SHTN1: variants seen among roughly 807,000 people sequenced by gnomAD.
The protein encoded by SHTN1 is shootin-1.
Under a neutral mutation model 83.1 loss-of-function variants are expected in SHTN1, and 42 were observed. That is an observed-to-expected ratio of 0.51 (90% CI 0.39 to 0.65). The LOEUF is 0.65. Ranked by LOEUF, SHTN1 falls within the 30% of genes least tolerant of loss-of-function variation. SHTN1 has a pLI of 0.00. For missense variants in SHTN1, 622 were observed against 737.8 expected (o/e 0.84, Z 1.82); for synonymous variants, 224 against 247.7 (o/e 0.90, Z 0.90).
chr10:117,045,161 G>A (rs961379251), intron 2 of SHTN1, among the ~76,000 whole-genome samples: 2 of 152,108 alleles, frequency 1.3e-5, no homozygotes, highest in African/African-American at 4.8e-5. Flanking sequence ...AGAATAATCT[G>A]GAATGGTATC....
At position 116,929,310 on chromosome 10, in the gene SHTN1, G is replaced by A. The variant is rs79184705; in HGVS notation, c.1012+539C>T. On this transcript the variant is annotated intron_variant, in intron 10 of 16. Coordinates refer to ENST00000355371, the MANE Select transcript of SHTN1 (RefSeq NM_001127211.3). Reference sequence around the variant, plus strand: ...CTAGAACTGAATGAATAAATCTTTTGATTTAAGTATCCCCTGGTGTTTCTA... The same window carrying A: ...CTAGAACTGAATGAATAAATCTTTTAATTTAAGTATCCCCTGGTGTTTCTA... Among the ~76,000 whole-genome samples the A allele has an allele frequency of 8.0e-3, 1,213 of 152,148 alleles. 24 individuals carry two copies. The highest frequency in any genetic ancestry group is 0.026 in the African/African-American group (1,094 of 41,498).
At chr10:117,073,363 TATTTC>T (rs1853111152) in intron 1 of SHTN1, among the ~76,000 whole-genome samples, 1 of 152,338 alleles carries the variant, frequency 6.6e-6, no homozygotes, top group African/African-American at 2.4e-5. Context: ...TTATGTGCAT[TATTTC>T]ATTTAATTCT....
rs1473023911 is a variant in SHTN1, at chr10:116,911,353, G to C, written c.1359+437C>G. On this transcript the variant is annotated intron_variant, in intron 14 of 16. Transcript: ENST00000355371. ...ATAATTGTTTCGACTGTGAGGAAAG[G>C]CAGACTGTGACCCTGATATGAAGCT... 4.8e-6 allele frequency: 5 copies of C among 1,040,360 alleles called. No homozygotes were observed. The East Asian group carries it at 1.4e-4, about 28-fold the overall frequency. 64.4% of individuals were successfully genotyped at this position (1,040,360 alleles called of 1,614,324 possible).
intron 2 of SHTN1, among the ~76,000 whole-genome samples, chr10:117,036,236 A>G (rs1852495059): frequency 6.6e-6 from 1 of 152,154 alleles, no homozygotes; most frequent in South Asian, 2.1e-4. Context: ...AGTTTCCTCA[A>G]AAAACTAAAA....
chr10:117,089,219 A>T (rs1853393253), intron 1 of SHTN1, among the ~76,000 whole-genome samples: 1 of 152,204 alleles, frequency 6.6e-6, no homozygotes, highest in Admixed American at 6.5e-5. Flanking sequence ...AAATGTTCTA[A>T]TCTTGATTGT....
chr10:117,008,160 A>T (rs894306804), upstream of SHTN1, among the ~76,000 whole-genome samples: 6 of 152,132 alleles, frequency 3.9e-5, no homozygotes, highest in Non-Finnish European at 8.8e-5. Flanking sequence ...ACAGACTTTT[A>T]AAAAATGAAT....
At chr10:116,947,011 G>A (rs957794399) in intron 7 of SHTN1, among the ~76,000 whole-genome samples, 10 of 151,928 alleles carry the variant, frequency 6.6e-5, no homozygotes, top group Non-Finnish European at 1.0e-4. Flanking sequence ...GTGAGCCACC[G>A]CGCCTGGACA....
intron 12 of SHTN1, among the ~76,000 whole-genome samples, chr10:116,920,965 T>C (rs530355677): frequency 6.6e-6 from 1 of 152,334 alleles, no homozygotes; most frequent in South Asian, 2.1e-4. Context: ...CACTGTGTAC[T>C]CCTCTTTAAT....
intron 1 of SHTN1, among the ~76,000 whole-genome samples, chr10:117,103,160 G>A (rs1162929976): frequency 6.6e-6 from 1 of 152,066 alleles, no homozygotes; most frequent in African/African-American, 2.4e-5. Flanking sequence ...CAAGATCTCG[G>A]CTCACTGCAA....
intron 1 of SHTN1, among the ~76,000 whole-genome samples, chr10:116,986,156 A>T: frequency 6.6e-6 from 1 of 151,996 alleles, no homozygotes; most frequent in East Asian, 1.9e-4. Context: ...AAATACACAC[A>T]TAAGTCTGAT....
intron 1 of SHTN1, among the ~76,000 whole-genome samples, chr10:117,004,460 G>A: frequency 6.6e-6 from 1 of 151,990 alleles, no homozygotes; most frequent in Non-Finnish European, 1.5e-5. Flanking sequence ...GCAGGATGTT[G>A]ACCTTGCTGA....
intron 1 of SHTN1, among the ~76,000 whole-genome samples, chr10:117,101,376 C>A (rs1225821033): frequency 6.6e-6 from 1 of 152,032 alleles, no homozygotes; most frequent in Non-Finnish European, 1.5e-5. Context: ...CTGTCACAAG[C>A]CTCAGGAAAT....
intron 1 of SHTN1, among the ~76,000 whole-genome samples, chr10:117,120,424 AT>A (rs1189179201): frequency 1.3e-5 from 2 of 151,680 alleles, no homozygotes; most frequent in Non-Finnish European, 2.9e-5. Flanking sequence ...ATTTTTTTGT[AT>A]TTTTAGTAGA....
At chr10:117,103,832 G>A (rs556010919) in intron 1 of SHTN1, among the ~76,000 whole-genome samples, 54 of 152,188 alleles carry the variant, frequency 3.5e-4, no homozygotes, top group African/African-American at 9.4e-4. Flanking sequence ...CACCGCACAC[G>A]GCCAATGTTT....
chr10:116,972,065 C>T (rs1046724303), intron 2 of SHTN1, among the ~76,000 whole-genome samples: 9 of 152,202 alleles, frequency 5.9e-5, no homozygotes, highest in East Asian at 3.8e-4. Flanking sequence ...AGAAGAAAAA[C>T]GTCAGGTCCA....
At chr10:117,098,789 A>T (rs1269920242) in intron 1 of SHTN1, among the ~76,000 whole-genome samples, 1 of 152,080 alleles carries the variant, frequency 6.6e-6, no homozygotes, top group Non-Finnish European at 1.5e-5. Flanking sequence ...GTTTCCCCCA[A>T]ACGCTTCCTC....
At chr10:116,900,369 G>C in intron 16 of SHTN1, 1 of 630,860 alleles carries the variant, frequency 1.6e-6, no homozygotes, top group East Asian at 2.7e-5. Flanking sequence ...TCTAACAACT[G>C]TGTCTGTCAA....
At chr10:116,972,439 G>C (rs967429180) in intron 2 of SHTN1, among the ~76,000 whole-genome samples, 1 of 152,174 alleles carries the variant, frequency 6.6e-6, no homozygotes, top group Non-Finnish European at 1.5e-5. Context: ...GAGGATGTAC[G>C]CATTTACTAA....
intron 1 of SHTN1, among the ~76,000 whole-genome samples, chr10:116,990,066 G>A (rs1393382560): frequency 1.3e-5 from 2 of 151,986 alleles, no homozygotes; most frequent in East Asian, 3.9e-4. Flanking sequence ...ATCTCTACCT[G>A]TAGAGCCTGG....
Sources: gnomAD v4.1 joint callset for allele counts (sites outside exome capture counted in the v4.1 genomes callset) on GRCh38, gnomAD v4.1.1 for gene constraint, MANE v1.5 for transcripts, NCBI Gene and HGNC (gene_info 2026-07-23, HGNC 2026-07-21) for gene names.